Variants in PRM1 observed in about 807,000 individuals in gnomAD.
The protein encoded by PRM1 is sperm protamine P1.
Under a neutral mutation model 4.8 loss-of-function variants are expected in PRM1, and 4 were observed. That is an observed-to-expected ratio of 0.83 (90% CI 0.41 to 1.91). The LOEUF is 1.91. PRM1 is among the 40% of genes most tolerant of loss of function. PRM1 has a pLI of 0.03. For missense variants in PRM1, 88 were observed against 75.7 expected, an observed-to-expected ratio of 1.16 and a Z score of -0.61; for synonymous variants, 29 against 22.7, an observed-to-expected ratio of 1.28 and a Z score of -0.79.
In PRM1 at chr16:11,281,212, G is replaced by A; in HGVS notation, c.27C>T (p.Ser9=). ...GGCGGTAATATCTGCTCCGGCTCTG[G>A]CTGCGACAGCATCTGTACCTGGCCA... MARYRCCR[S]QSRSRYYRQR... is the part of the protein sequence containing the mutation. The change falls in exon 1 of 2, where the codon AGC becomes AGT. Residue 9 remains serine (S), a synonymous_variant. Coordinates refer to ENST00000312511, the MANE Select transcript of PRM1 (RefSeq NM_002761.3). The A allele has an allele frequency of 6.2e-7, 1 of 1,614,088 alleles. No homozygotes were observed. The highest frequency in any genetic ancestry group is 2.2e-5 in the East Asian group (1 of 44,886).
Position 11,281,038 on chromosome 16 carries a change from G to C in PRM1, c.113-3C>G. 1 of 1,614,138 alleles carries C rather than the reference G, an allele frequency of 6.2e-7. No homozygotes were observed. The highest frequency in any genetic ancestry group is 8.5e-7 in the Non-Finnish European group (1 of 1,179,972). On this transcript the variant is annotated splice_region_variant and splice_polypyrimidine_tract_variant and intron_variant, in intron 1 of 1. Transcript: ENST00000312511. ...TCTGTACCTGGGGCGGCAGCACCCT[G>C]GTGAGACCAAGAAAAGTGGTGAGAG...
Position 11,281,046 on chromosome 16 carries a change from C to G in PRM1, c.113-11G>C. Reference sequence around the variant, plus strand: ...TGGGGCGGCAGCACCCTGGTGAGACCAAGAAAAGTGGTGAGAGGAAGGCTG... The same window carrying G: ...TGGGGCGGCAGCACCCTGGTGAGACGAAGAAAAGTGGTGAGAGGAAGGCTG... On this transcript the variant is annotated splice_polypyrimidine_tract_variant and intron_variant, in intron 1 of 1. Transcript: ENST00000312511. 4.3e-6 allele frequency: 7 copies of G among 1,614,130 alleles called. No homozygotes were observed. Among genetic ancestry groups the G allele is most frequent in the Non-Finnish European group, 5.9e-6 (7 of 1,179,990 alleles).
In PRM1 at chr16:11,280,986, G is replaced by A; in HGVS notation, c.*6C>T. 3.7e-6 allele frequency: 6 copies of A among 1,612,626 alleles called. No individual in the cohort carries two copies. The highest frequency in any genetic ancestry group is 5.1e-6 in the Non-Finnish European group (6 of 1,178,578). On this transcript the variant is annotated 3_prime_UTR_variant, in exon 2 of 2. Coordinates refer to ENST00000312511, the MANE Select transcript of PRM1 (RefSeq NM_002761.3). ...AGGAGTTTGGTGGATGTGCTATTTT[G>A]TGCAATTAGTGTCTTCTACATCGCG...
chr16:11,281,133 C>G lies in PRM1; in HGVS notation c.106G>C (p.Ala36Pro), dbSNP rs1376363258. 27 of 1,614,120 alleles carry G rather than the reference C, an allele frequency of 1.7e-5. No homozygotes were observed. The highest frequency in any genetic ancestry group is 2.2e-5 in the South Asian group (2 of 91,092). Residue 36 changes from alanine (A) to proline (P), a missense_variant, in exon 1 of 2, where the codon GCC (alanine) becomes CCC (proline). Transcript: ENST00000312511. ...CTCAGCTGGGCCCACTTACTCATGG[C>G]TCTCCTCCGTGTCTGGCAGCTCCGC... ...RRRSCQTRRR[A>P]MRCCRPRYRP...
Position 11,280,884 on chromosome 16 carries a change from G to A in PRM1, c.*108C>T. ...TGACAGGCGGCATTGTTCCTTAGCAGGCTCCTGATTTTTATTGGATGGTGG... is the reference window on the plus strand; with the variant it reads ...TGACAGGCGGCATTGTTCCTTAGCAAGCTCCTGATTTTTATTGGATGGTGG... On this transcript the variant is annotated 3_prime_UTR_variant, in exon 2 of 2. Coordinates refer to ENST00000312511, the MANE Select transcript of PRM1 (RefSeq NM_002761.3). 4.8e-6 allele frequency: 6 copies of A among 1,241,728 alleles called. No individual in the cohort carries two copies. In the South Asian group the frequency reaches 7.2e-5, roughly 15 times the overall value. 76.9% of individuals were successfully genotyped at this position (1,241,728 alleles called of 1,614,324 possible).
Position 11,280,972 on chromosome 16 carries a change from G to A in PRM1, c.*20C>T, listed in dbSNP as rs746973005. ...TAACATTCTCAGGCAGGAGTTTGGTGGATGTGCTATTTTGTGCAATTAGTG... is the reference window on the plus strand; with the variant it reads ...TAACATTCTCAGGCAGGAGTTTGGTAGATGTGCTATTTTGTGCAATTAGTG... On this transcript the variant is annotated 3_prime_UTR_variant, in exon 2 of 2. Coordinates refer to ENST00000312511, the MANE Select transcript of PRM1 (RefSeq NM_002761.3). The A allele has an allele frequency of 6.2e-7, 1 of 1,609,320 alleles. No individual in the cohort carries two copies. Among genetic ancestry groups the A allele is most frequent in the Non-Finnish European group, 8.5e-7 (1 of 1,175,472 alleles).
chr16:11,281,043 G>C lies in PRM1; in HGVS notation c.113-8C>G. 6.2e-7 allele frequency: 1 copy of C among 1,614,106 alleles called. No homozygotes were observed. On this transcript the variant is annotated splice_region_variant and splice_polypyrimidine_tract_variant and intron_variant, in intron 1 of 1. Transcript: ENST00000312511. ...ACCTGGGGCGGCAGCACCCTGGTGA[G>C]ACCAAGAAAAGTGGTGAGAGGAAGG...
rs752775594 is a variant in PRM1 at position 11,281,020 on chromosome 16, C to A, written c.128G>T (p.Arg43Met). The A allele has an allele frequency of 6.2e-7, 1 of 1,614,142 alleles. No homozygotes were observed. The highest frequency in any genetic ancestry group is 8.5e-7 in the Non-Finnish European group (1 of 1,179,964). ...RRRAMRCCRPRYRPRCRRH is the reference protein window; with the variant it reads ...RRRAMRCCRPMYRPRCRRH ...GTGTCTTCTACATCGCGGTCTGTAC[C>A]TGGGGCGGCAGCACCCTGGTGAGAC... Residue 43 changes from arginine (R) to methionine (M), a missense_variant, in exon 2 of 2, where the codon AGG becomes ATG. By Grantham distance (91) the Arg-to-Met change is moderately conservative. Coordinates refer to ENST00000312511, the MANE Select transcript of PRM1 (RefSeq NM_002761.3).
At position 11,281,063 on chromosome 16, in the gene PRM1, G is replaced by A. The variant is rs368431314; in HGVS notation, c.113-28C>T. On this transcript the variant is annotated intron_variant, in intron 1 of 1. Transcript: ENST00000312511. ...GGTGAGACCAAGAAAAGTGGTGAGAGGAAGGCTGGGCCCTGAGAGCTCCCA... is the reference window on the plus strand; with the variant it reads ...GGTGAGACCAAGAAAAGTGGTGAGAAGAAGGCTGGGCCCTGAGAGCTCCCA... The A allele has an allele frequency of 3.3e-5, 54 of 1,614,132 alleles. No homozygotes were observed. In the African/African-American group the frequency reaches 4.5e-4, roughly 14 times the overall value.
Position 11,281,141 on chromosome 16 carries a change from C to T in PRM1, c.98G>A (p.Arg33Gln), listed in dbSNP as rs141103076. Reference protein sequence around the residue: ...RRRRRRSCQTRRRAMRCCRPR... With the variant: ...RRRRRRSCQTQRRAMRCCRPR... ...GGCCCACTTACTCATGGCTCTCCTC[C>T]GTGTCTGGCAGCTCCGCCTCCTTCG... The change falls in exon 1 of 2, where the codon CGG becomes CAG. Residue 33 changes from arginine to glutamine, a missense_variant. Coordinates refer to ENST00000312511, the MANE Select transcript of PRM1 (RefSeq NM_002761.3). The T allele has an allele frequency of 6.8e-6, 11 of 1,614,096 alleles. No homozygotes were observed. Among genetic ancestry groups the T allele is most frequent in the South Asian group, 5.5e-5 (5 of 91,088 alleles).
Position 11,281,182 on chromosome 16 carries a change from T to C in PRM1, c.57A>G (p.Arg19=). The change falls in exon 1 of 2, where the codon AGA becomes AGG. Residue 19 remains arginine, a synonymous_variant. Transcript: ENST00000312511. ...GCCTCCTTCGTCTGCGACTTCTTTG[T>C]CTCTGGCGGTAATATCTGCTCCGGC... ...SQSRSRYYRQ[R]QRSRRRRRRS... is the part of the protein sequence containing the mutation. 2 of 1,614,188 alleles carry C rather than the reference T, an allele frequency of 1.2e-6. No homozygotes were observed. Among genetic ancestry groups the C allele is most frequent in the African/African-American group, 1.3e-5 (1 of 75,054 alleles).
chr16:11,280,925 G>A lies in PRM1; in HGVS notation c.*67C>T. 2.6e-6 allele frequency: 4 copies of A among 1,513,822 alleles called. No homozygotes were observed. Among genetic ancestry groups the A allele is most frequent in the Non-Finnish European group, 3.7e-6 (4 of 1,088,152 alleles). 93.8% of individuals were successfully genotyped at this position (1,513,822 alleles called of 1,614,324 possible). A position where few individuals can be genotyped will look rare whatever the true frequency, so the allele number is the denominator to read the frequency against. Reference sequence around the variant, plus strand: ...TGGATGGTGGCATTTTCAAGATGTGGCAAGAGGATCTTGAAGTCTGGTAAC... The same window carrying A: ...TGGATGGTGGCATTTTCAAGATGTGACAAGAGGATCTTGAAGTCTGGTAAC... On this transcript the variant is annotated 3_prime_UTR_variant, in exon 2 of 2. Transcript: ENST00000312511.
chr16:11,281,039 G>A lies in PRM1; in HGVS notation c.113-4C>T, dbSNP rs779754316. 1.2e-6 allele frequency: 2 copies of A among 1,614,142 alleles called. No homozygotes were observed. Among genetic ancestry groups the A allele is most frequent in the Non-Finnish European group, 1.7e-6 (2 of 1,179,974 alleles). ...CTGTACCTGGGGCGGCAGCACCCTG[G>A]TGAGACCAAGAAAAGTGGTGAGAGG... On this transcript the variant is annotated splice_region_variant and splice_polypyrimidine_tract_variant and intron_variant, in intron 1 of 1. Transcript: ENST00000312511.
chr16:11,281,143 T>A lies in PRM1; in HGVS notation c.96A>T (p.Thr32=), dbSNP rs1270503828. ...CCCACTTACTCATGGCTCTCCTCCG[T>A]GTCTGGCAGCTCCGCCTCCTTCGTC... ...SRRRRRRSCQ[T]RRRAMRCCRP... The change falls in exon 1 of 2, where the codon ACA becomes ACT. Residue 32 remains threonine (T), a synonymous_variant. Transcript: ENST00000312511. 12 of 1,614,072 alleles carry A rather than the reference T, an allele frequency of 7.4e-6. No individual in the cohort carries two copies. Among genetic ancestry groups the A allele is most frequent in the Non-Finnish European group, 1.0e-5 (12 of 1,180,030 alleles).
chr16:11,281,323 T>G lies in PRM1; in HGVS notation c.-85A>C. ...CAACCTGTGAGCAGGTGGAACTCTG[T>G]GGGCTGTGAGTCAGGGGCCAGCTCT... On this transcript the variant is annotated 5_prime_UTR_variant, in exon 1 of 2. Coordinates refer to ENST00000312511, the MANE Select transcript of PRM1 (RefSeq NM_002761.3). 8.2e-7 allele frequency: 1 copy of G among 1,215,588 alleles called. No individual in the cohort carries two copies. The highest frequency in any genetic ancestry group is 1.2e-6 in the Non-Finnish European group (1 of 824,552). 75.3% of individuals were successfully genotyped at this position (1,215,588 alleles called of 1,614,324 possible).
chr16:11,280,982 T>C lies in PRM1; in HGVS notation c.*10A>G, dbSNP rs1782462016. ...AGGCAGGAGTTTGGTGGATGTGCTA[T>C]TTTGTGCAATTAGTGTCTTCTACAT... On this transcript the variant is annotated 3_prime_UTR_variant, in exon 2 of 2. Transcript: ENST00000312511. 1 of 1,612,382 alleles carries C rather than the reference T, an allele frequency of 6.2e-7. No homozygotes were observed. Among genetic ancestry groups the C allele is most frequent in the Non-Finnish European group, 8.5e-7 (1 of 1,178,334 alleles).
chr16:11,280,941 G>T lies in PRM1; in HGVS notation c.*51C>A, dbSNP rs1407988716. On this transcript the variant is annotated 3_prime_UTR_variant, in exon 2 of 2. Transcript: ENST00000312511. ...CAAGATGTGGCAAGAGGATCTTGAA[G>T]TCTGGTAACATTCTCAGGCAGGAGT... 14 of 1,570,936 alleles carry T rather than the reference G, an allele frequency of 8.9e-6. No homozygotes were observed. The highest frequency in any genetic ancestry group is 1.2e-5 in the Non-Finnish European group (14 of 1,140,416).
chr16:11,281,056 G>C (rs1334981222), intron 1 of PRM1, 21 bp from the exon 2 acceptor site: 2 of 1,614,022 alleles, frequency 1.2e-6, no homozygotes, highest in African/African-American at 2.7e-5. Flanking sequence ...CAAGAAAAGT[G>C]GTGAGAGGAA....
intron 1 of PRM1, 30 bp downstream of exon 1, chr16:11,281,097 C>A: frequency 1.9e-6 from 3 of 1,613,792 alleles, no homozygotes; most frequent in Non-Finnish European, 2.5e-6. Context: ...CAGCCTCAGC[C>A]CCAGCCCACC....
Sources: gnomAD v4.1 joint callset for allele counts on GRCh38, gnomAD v4.1.1 for gene constraint, MANE v1.5 for transcripts, NCBI Gene and HGNC (gene_info 2026-07-23, HGNC 2026-07-21) for gene names.